Variants in SYNE1 observed in about 807,000 individuals in gnomAD.
SYNE1 encodes spectrin repeat containing nuclear envelope protein 1.
In SYNE1, 616 loss-of-function variants were observed where a neutral mutation model predicts 1,111.0. The observed-to-expected ratio is 0.55, with a 90% confidence interval of 0.52 to 0.59. The LOEUF is 0.59. Ranked by LOEUF, SYNE1 falls within the 20% of genes least tolerant of loss-of-function variation. The pLI is 0.00. For synonymous variants in SYNE1, 3,855 were observed against 3,825.8 expected, an observed-to-expected ratio of 1.01 and a Z score of -0.28; for missense variants, 10,006 against 10,417.0, an observed-to-expected ratio of 0.96 and a Z score of 1.72.
chr6:152,295,664 A>C lies in SYNE1; in HGVS notation c.17683-1537T>G, dbSNP rs151167424. Among the ~76,000 whole-genome samples, 1,191 of 152,080 alleles carry C rather than the reference A, an allele frequency of 7.8e-3. 16 individuals carry two copies. The highest frequency in any genetic ancestry group is 0.026 in the African/African-American group (1,076 of 41,494). On this transcript the variant is annotated intron_variant, in intron 93 of 145. Coordinates refer to ENST00000367255, the MANE Select transcript of SYNE1 (RefSeq NM_182961.4). ...CACAAACACGCACACACACACATAC[A>C]CATGCAATCCAAGCTGTCAAGGAGA...
intron 140 of SYNE1, among the ~76,000 whole-genome samples, chr6:152,137,707 C>A (rs2057386334): frequency 6.6e-6 from 1 of 152,170 alleles, no homozygotes. Context: ...GAAATCATTT[C>A]TCACTAGCCC....
rs777931582 is a variant in SYNE1, at chr6:152,390,320, C to G, written c.8137G>C (p.Val2713Leu). ...IQTQLETLKE[V>L]WADIMSSSVH... ...GAGGAGCTCATGATGTCAGCCCACA[C>G]TTCTTTAAGGGTCTCTAACTGAGTC... The change falls in exon 53 of 146, where the codon GTG becomes CTG. Residue 2713 changes from valine to leucine, a missense_variant. Coordinates refer to ENST00000367255, the MANE Select transcript of SYNE1 (RefSeq NM_182961.4). The G allele has an allele frequency of 1.2e-6, 2 of 1,614,140 alleles. No homozygotes were observed. The highest frequency in any genetic ancestry group is 2.2e-5 in the South Asian group (2 of 91,082).
In SYNE1 at chr6:152,340,685, A is replaced by G. The variant is rs186086393; in HGVS notation, c.12226-1319T>C. 2.0e-5 allele frequency among the ~76,000 whole-genome samples: 3 copies of G among 150,658 alleles called. No individual in the cohort carries two copies. In the East Asian group the frequency reaches 5.8e-4, roughly 29 times the overall value. The stretch of plus-strand genomic sequence containing the variant: ...GGTTCCATTTGAGAAAACAAATTCT[A>G]TAATCAGCCTGTTCATAAGCCGTGG... On this transcript the variant is annotated intron_variant, in intron 74 of 145. Coordinates refer to ENST00000367255, the MANE Select transcript of SYNE1 (RefSeq NM_182961.4).
chr6:152,230,680 A>T lies in SYNE1; in HGVS notation c.21062T>A (p.Leu7021Ter). The change falls in exon 115 of 146, where the codon TTG becomes TAG. Residue 7021 changes from leucine (L) to a stop codon, truncating the protein, a stop_gained. Transcript: ENST00000367255. LOFTEE classifies it high-confidence loss of function. Reference sequence around the variant, plus strand: ...ATTTTCATATTCTGACCAAGATTCCAATAAGCCTTCCAACAGCTGGATCTG... The same window carrying T: ...ATTTTCATATTCTGACCAAGATTCCTATAAGCCTTCCAACAGCTGGATCTG... ...TEKIQLLEGL[L>*]ESWSEYENNV... 1.2e-6 allele frequency: 2 copies of T among 1,614,060 alleles called. No individual in the cohort carries two copies. Among genetic ancestry groups the T allele is most frequent in the South Asian group, 2.2e-5 (2 of 91,082 alleles).
intron 42 of SYNE1, among the ~76,000 whole-genome samples, chr6:152,411,723 A>C (rs62426458): frequency 0.12 from 11,569 of 96,866 alleles, 1,509 homozygotes; most frequent in African/African-American, 0.39. Flanking sequence ...ACACACACAC[A>C]CACACCCCCA....
Position 152,442,123 on chromosome 6 carries a change from T to A in SYNE1, c.3960A>T (p.Thr1320=), listed in dbSNP as rs138705766. Residue 1320 remains threonine (T), a synonymous_variant, in exon 31 of 146, where the codon ACA becomes ACT. Coordinates refer to ENST00000367255, the MANE Select transcript of SYNE1 (RefSeq NM_182961.4). ...CCCGGCTGCGCTCCAGGCCATCCAG[T>A]GTGCTCTCCAGCTTCCGCAGCTCCT... ...GHEELRKLES[T]LDGLERSRER... 2 of 1,613,946 alleles carry A rather than the reference T, an allele frequency of 1.2e-6. No individual in the cohort carries two copies. The highest frequency in any genetic ancestry group is 1.7e-6 in the Non-Finnish European group (2 of 1,180,044).
In SYNE1 at chr6:152,256,754, C is replaced by G; in HGVS notation, c.18984G>C (p.Arg6328Ser). 1 of 1,613,648 alleles carries G rather than the reference C, an allele frequency of 6.2e-7. No homozygotes were observed. Among genetic ancestry groups the G allele is most frequent in the East Asian group, 2.2e-5 (1 of 44,856 alleles). Residue 6328 changes from arginine to serine, a missense_variant, in exon 102 of 146, where the codon AGG (arginine) becomes AGC (serine). By Grantham distance (110) the Arg-to-Ser change is moderately radical (BLOSUM62 -1). Around this residue, in one of 7 missense-constraint regions of SYNE1, gnomAD observed 2,182 missense variants for 2,287.8 expected, o/e 0.95. Transcript: ENST00000367255. Reference protein sequence around the residue: ...EQEQEQVLYSRPNRLLSGVPL... With the variant: ...EQEQEQVLYSSPNRLLSGVPL... ...GCACACCAGACAAGAGTCGATTTGG[C>G]CTGCTATAAAGCTGTAGGCAAACAA...
intron 14 of SYNE1, among the ~76,000 whole-genome samples, chr6:152,482,821 C>A (rs2098915487): frequency 3.3e-5 from 5 of 152,068 alleles, no homozygotes; most frequent in Admixed American, 3.3e-4. Context: ...TAATATATAA[C>A]AACAGAAATA....
chr6:152,539,936 G>C (rs568827386), intron 4 of SYNE1, 24 bp downstream of exon 4: 1 of 1,613,292 alleles, frequency 6.2e-7, no homozygotes. Flanking sequence ...AAGTAAACCT[G>C]TAATGCTGGG....
chr6:152,145,680 C>T (rs2059356214), intron 137 of SYNE1: 9 of 828,362 alleles, frequency 1.1e-5, no homozygotes, highest in Non-Finnish European at 1.6e-5. Context: ...AGCTCCTGAG[C>T]GCACAGAGGA....
At chr6:152,551,313 C>T (rs78539144) in intron 3 of SYNE1, among the ~76,000 whole-genome samples, 3,532 of 152,096 alleles carry the variant, frequency 0.023, 166 homozygotes, top group African/African-American at 0.081. Flanking sequence ...AGGAAATACG[C>T]CAGAAATCTA....
At chr6:152,435,880 A>G (rs766828954) in intron 33 of SYNE1, 61 bp downstream of exon 33, 6 of 1,589,542 alleles carry the variant, frequency 3.8e-6, no homozygotes, top group Non-Finnish European at 3.5e-6. Context: ...TACAAGGTAC[A>G]GGAAAGATTG....
chr6:152,126,659 C>T (rs1036690151), intron 145 of SYNE1: 1 of 152,074 alleles, frequency 6.6e-6, no homozygotes, highest in African/African-American at 2.4e-5. Flanking sequence ...TTCAAATTTC[C>T]AGGTAAATAG....
At chr6:152,434,048 T>C in intron 33 of SYNE1, 103 bp from the exon 34 acceptor site, 1 of 1,113,920 alleles carries the variant, frequency 9.0e-7, no homozygotes, top group Non-Finnish European at 1.3e-6. Flanking sequence ...AAGACATTTG[T>C]GACCATTTCA....
rs1208929452 is a variant in SYNE1, at chr6:152,323,633, G to A, written c.15762C>T (p.His5254=). The A allele has an allele frequency of 4.3e-6, 7 of 1,614,098 alleles. No homozygotes were observed. Among genetic ancestry groups the A allele is most frequent in the Non-Finnish European group, 1.7e-6 (2 of 1,180,052 alleles). ...KAELLTLLEY[H]DTFVLELEQQ... ...GCTCCAGCTCCAGAACGAACGTGTC[G>A]TGGTATTCAAGAAGAGTTAAGAGCT... is the stretch of plus-strand genomic sequence containing the variant. Residue 5254 remains histidine, a synonymous_variant, in exon 82 of 146, where the codon CAC becomes CAT. Transcript: ENST00000367255.
intron 86 of SYNE1, 51 bp from the exon 87 acceptor site, chr6:152,317,037 G>A: frequency 6.2e-7 from 1 of 1,606,620 alleles, no homozygotes; most frequent in African/African-American, 1.3e-5. Context: ...TCAGTTTCTT[G>A]AGCTATAAAT....
chr6:152,306,730 T>G (rs1344119587), intron 91 of SYNE1, among the ~76,000 whole-genome samples: 5 of 131,946 alleles, frequency 3.8e-5, no homozygotes, highest in Non-Finnish European at 8.3e-5. Context: ...AAAAAAAAAA[T>G]GCAAAAACTA....
At chr6:152,317,357 A>T (rs1215728166) in intron 86 of SYNE1, among the ~76,000 whole-genome samples, 1 of 151,356 alleles carries the variant, frequency 6.6e-6, no homozygotes, top group Non-Finnish European at 1.5e-5. Context: ...CGTAGCTGGG[A>T]CCACAGGCAC....
chr6:152,369,394 G>A (rs1563435187), intron 60 of SYNE1, 77 bp downstream of exon 60: 10 of 1,601,240 alleles, frequency 6.2e-6, no homozygotes, highest in East Asian at 2.2e-5. Context: ...CAAGGGTGCT[G>A]AGCATGCATC....
Sources: allele counts gnomAD v4.1 joint callset (sites outside exome capture counted in the v4.1 genomes callset), GRCh38; gene constraint gnomAD v4.1.1; regional missense constraint gnomAD v4.1.1; transcripts MANE v1.5; gene names NCBI Gene and HGNC (gene_info 2026-07-23, HGNC 2026-07-21).